Variants in HMGCL observed in about 807,000 individuals in gnomAD.
HMGCL encodes the protein hydroxymethylglutaryl-CoA lyase, mitochondrial.
In HMGCL, 26 loss-of-function variants were observed where a neutral mutation model predicts 37.3. The ratio of observed to expected loss-of-function variants is 0.70; its 90% confidence interval spans 0.51 to 0.97. HMGCL has a LOEUF of 0.97. Ranked by LOEUF, HMGCL falls within the 50% of genes least tolerant of loss-of-function variation. The pLI is 0.00. For synonymous variants in HMGCL, 151 were observed against 148.0 expected, an observed-to-expected ratio of 1.02 and a Z score of -0.15; for missense variants, 379 against 398.1, an observed-to-expected ratio of 0.95 and a Z score of 0.41.
chr1:23,804,043 C>G (rs1347422399), intron 8 of HMGCL: 1 of 276,194 alleles, frequency 3.6e-6, no homozygotes, highest in Non-Finnish European at 7.1e-6. Flanking sequence ...TGTGGCCTCA[C>G]TCAACCCTAC....
In HMGCL at chr1:23,802,188, G is replaced by A. The variant is rs895548250; in HGVS notation, c.*275C>T. 10 of 596,476 alleles carry A rather than the reference G, an allele frequency of 1.7e-5. No homozygotes were observed. Among genetic ancestry groups the A allele is most frequent in the Non-Finnish European group, 2.7e-5 (9 of 335,804 alleles). 36.9% of individuals were successfully genotyped at this position (596,476 alleles called of 1,614,324 possible). On this transcript the variant is annotated 3_prime_UTR_variant, in exon 9 of 9. Coordinates refer to ENST00000374490, the MANE Select transcript of HMGCL (RefSeq NM_000191.3). ...TAAGTAGGGAACGGGGTTCCCACAC[G>A]TCCTCAGGCATTCAACTCCTGGGCC...
rs1376192506 is a variant in HMGCL, at chr1:23,825,346, G to A, written c.60+10C>T. 6.4e-7 allele frequency: 1 copy of A among 1,554,158 alleles called. No individual in the cohort carries two copies. Among genetic ancestry groups the A allele is most frequent in the Non-Finnish European group, 8.7e-7 (1 of 1,149,016 alleles). Reference sequence around the variant, plus strand: ...GCAGGGCCGCCGCCTCGGCGGCTCGGGGCACTTACAGCCCGGAGGGACGCC... The same window carrying A: ...GCAGGGCCGCCGCCTCGGCGGCTCGAGGCACTTACAGCCCGGAGGGACGCC... On this transcript the variant is annotated intron_variant, in intron 1 of 8. Transcript: ENST00000374490.
chr1:23,815,348 C>T (rs926919338), intron 4 of HMGCL, among the ~76,000 whole-genome samples: 1 of 152,022 alleles, frequency 6.6e-6, no homozygotes. Context: ...CAGACCCCAG[C>T]AGAGAGGCAT....
rs998845780 is a variant in HMGCL at position 23,806,682 on chromosome 1, G to T, written c.750+1453C>A. The T allele has an allele frequency of 3.2e-6, 1 of 317,134 alleles. No homozygotes were observed. Among genetic ancestry groups the T allele is most frequent in the Non-Finnish European group, 6.2e-6 (1 of 160,974 alleles). 19.6% of individuals were successfully genotyped at this position (317,134 alleles called of 1,614,324 possible). On this transcript the variant is annotated intron_variant, in intron 7 of 8. Transcript: ENST00000374490. This position sits in a 1 kb window ranked among gnomAD's most constrained non-coding sequence, Gnocchi z 4.0. ...TGAACACCTGGCCTGCTGTATGTTT[G>T]TTTATTTATTATCTGTCTCATAGTA...
intron 1 of HMGCL, among the ~76,000 whole-genome samples, 156 bp downstream of exon 1, chr1:23,825,200 G>A (rs1462176084): frequency 6.6e-6 from 1 of 152,192 alleles, no homozygotes; most frequent in Non-Finnish European, 1.5e-5. Flanking sequence ...GGATTTGAGG[G>A]GAAAAGGGAG....
chr1:23,804,193 C>T (rs530960585), intron 8 of HMGCL: 1 of 648,622 alleles, frequency 1.5e-6, no homozygotes, highest in East Asian at 2.6e-5. Flanking sequence ...TCACTGCAGC[C>T]TCAAACTCCT....
Position 23,806,908 on chromosome 1 carries a change from A to G in HMGCL, c.750+1227T>C. The G allele has an allele frequency of 2.0e-6, 1 of 512,544 alleles. No individual in the cohort carries two copies. Among genetic ancestry groups the G allele is most frequent in the South Asian group, 1.4e-5 (1 of 70,932 alleles). 31.7% of individuals were successfully genotyped at this position (512,544 alleles called of 1,614,324 possible). ...ACCATAACATGAGCTCCCAGAGGGC[A>G]GGGATTGGGTCTTGTTACCATTGTC... On this transcript the variant is annotated intron_variant, in intron 7 of 8. Coordinates refer to ENST00000374490, the MANE Select transcript of HMGCL (RefSeq NM_000191.3). The surrounding 1 kb of genome is among the most constrained non-coding windows in gnomAD (Gnocchi z 4.0).
rs1384483184 is a variant in HMGCL, at chr1:23,806,310, C to A, written c.751-1785G>T. On this transcript the variant is annotated intron_variant, in intron 7 of 8. Coordinates refer to ENST00000374490, the MANE Select transcript of HMGCL (RefSeq NM_000191.3). The surrounding 1 kb of genome is among the most constrained non-coding windows in gnomAD (Gnocchi z 4.0). ...TCTCCCTCCCCGCCCCTGCTCAAGA[C>A]TCTCTGTTAGCTTCCCAGCTCAGTC... Among the ~76,000 whole-genome samples the A allele has an allele frequency of 6.6e-6, 1 of 151,800 alleles. No individual in the cohort carries two copies. Among genetic ancestry groups the A allele is most frequent in the East Asian group, 1.9e-4 (1 of 5,184 alleles).
intron 7 of HMGCL, among the ~76,000 whole-genome samples, chr1:23,805,912 A>G (rs1050342037): frequency 1.3e-5 from 2 of 149,000 alleles, no homozygotes; most frequent in African/African-American, 4.9e-5. Context: ...TCTTCTCTCT[A>G]CAGTGTATTC....
rs1570647295 is a variant in HMGCL, at chr1:23,810,425, G to C, written c.561+311C>G. ...GGTTGTGGCCTTTCAATCACTACAA[G>C]GAACTATGGGAACTCCTGGGTAAGG... On this transcript the variant is annotated intron_variant, in intron 6 of 8. Coordinates refer to ENST00000374490, the MANE Select transcript of HMGCL (RefSeq NM_000191.3). 6 of 397,202 alleles carry C rather than the reference G, an allele frequency of 1.5e-5. No individual in the cohort carries two copies. The Admixed American group carries it at 2.2e-4, about 14-fold the overall frequency. The allele number at this position is 397,202 out of a possible 1,614,324, so 24.6% of individuals were successfully genotyped here.
At chr1:23,819,896 C>T (rs1340881741) in intron 2 of HMGCL, among the ~76,000 whole-genome samples, 1 of 152,070 alleles carries the variant, frequency 6.6e-6, no homozygotes, top group East Asian at 1.9e-4. Context: ...CTGCTTGAGT[C>T]ACTTTATATA....
chr1:23,808,387 G>GA (rs1194265006), intron 6 of HMGCL, 64 bp from the exon 7 acceptor site: 10 of 1,386,840 alleles, frequency 7.2e-6, no homozygotes, highest in Admixed American at 1.7e-5. Context: ...CATGCACTCA[G>GA]AAGAGGGGGC....
At chr1:23,816,609 G>T in intron 4 of HMGCL, 66 bp downstream of exon 4, 1 of 994,086 alleles carries the variant, frequency 1.0e-6, no homozygotes, top group Middle Eastern at 2.4e-4. Flanking sequence ...GAGGCGCCAA[G>T]ACAAGGCAGG....
intron 7 of HMGCL, 53 bp from the exon 8 acceptor site, chr1:23,804,578 A>G: frequency 1.2e-6 from 2 of 1,605,456 alleles, no homozygotes; most frequent in Non-Finnish European, 1.7e-6. Flanking sequence ...AAGAGGCCAC[A>G]GAGATGAGCC....
In HMGCL at chr1:23,806,865, CATCT is replaced by C; in HGVS notation, c.750+1266_750+1269del. The C allele has an allele frequency of 6.5e-6, 3 of 460,540 alleles. No individual in the cohort carries two copies. The highest frequency in any genetic ancestry group is 4.6e-5 in the South Asian group (3 of 64,626). The allele number at this position is 460,540 out of a possible 1,614,324, so 28.5% of individuals were successfully genotyped here. On this transcript the variant is annotated intron_variant, in intron 7 of 8. Transcript: ENST00000374490. This position sits in a 1 kb window ranked among gnomAD's most constrained non-coding sequence, Gnocchi z 4.0. The stretch of plus-strand genomic sequence containing the variant: ...TGCTATTTACACGCCTGTAATCTTC[CATCT>C]GTCTTCCCCACCCACCATAACATGA...
intron 7 of HMGCL, 60 bp downstream of exon 7, chr1:23,808,072 AATG>A: frequency 2.8e-6 from 4 of 1,453,684 alleles, no homozygotes; most frequent in Non-Finnish European, 3.9e-6. Context: ...TGAAAGAATA[AATG>A]ATAACAAGCT....
At chr1:23,822,861 G>A (rs935853103) in intron 1 of HMGCL, among the ~76,000 whole-genome samples, 3 of 152,158 alleles carry the variant, frequency 2.0e-5, no homozygotes, top group Non-Finnish European at 4.4e-5. Flanking sequence ...AATAACAGTT[G>A]AGTGTTGCTG....
chr1:23,814,103 G>T, intron 5 of HMGCL, 87 bp downstream of exon 5: 1 of 1,467,422 alleles, frequency 6.8e-7, no homozygotes, highest in Non-Finnish European at 9.5e-7. Flanking sequence ...AGGATAAGAA[G>T]TTTGTGGCAG....
At chr1:23,816,804 C>T in intron 3 of HMGCL, 34 bp from the exon 4 acceptor site, 1 of 1,266,466 alleles carries the variant, frequency 7.9e-7, no homozygotes, top group Non-Finnish European at 1.2e-6. Flanking sequence ...CAAGTCATCA[C>T]CAAGAGCAGA....
Sources: gnomAD v4.1 joint callset for allele counts (sites outside exome capture counted in the v4.1 genomes callset) on GRCh38, gnomAD v4.1.1 for gene constraint, Gnocchi (gnomAD v3.1) non-coding constraint, MANE v1.5 for transcripts, NCBI Gene and HGNC (gene_info 2026-07-23, HGNC 2026-07-21) for gene names.